WDR37: variants seen among roughly 807,000 people sequenced by gnomAD.
The protein encoded by WDR37 is WD repeat-containing protein 37.
In WDR37, 19 loss-of-function variants were observed where a neutral mutation model predicts 62.9. That is an observed-to-expected ratio of 0.30 (90% CI 0.21 to 0.44). The LOEUF (loss-of-function observed/expected upper bound fraction) is 0.44, where lower values mean the gene tolerates loss of function less well. WDR37 is among the 20% of genes least tolerant of loss of function. The pLI, the probability that WDR37 is intolerant of heterozygous loss-of-function variation, is 1.00. For synonymous variants in WDR37, 250 were observed against 260.9 expected (o/e 0.96, Z 0.40); for missense variants, 474 against 657.6 (o/e 0.72, Z 3.05).
intron 5 of WDR37, among the ~76,000 whole-genome samples, 195 bp downstream of exon 5, chr10:1,080,671 T>C (rs1644560835): frequency 1.3e-5 from 2 of 152,172 alleles, no homozygotes; most frequent in African/African-American, 2.4e-5. Flanking sequence ...TTTGGGAGGC[T>C]GAGGTGGATG....
chr10:1,106,120 G>T (rs1431218077), intron 11 of WDR37, among the ~76,000 whole-genome samples: 1 of 152,108 alleles, frequency 6.6e-6, no homozygotes, highest in Admixed American at 6.5e-5. Flanking sequence ...AGTTCTTTCC[G>T]TGACCGTCTC....
intron 1 of WDR37, among the ~76,000 whole-genome samples, chr10:1,063,051 A>T (rs1589072004): frequency 6.6e-6 from 1 of 150,746 alleles, no homozygotes. Context: ...GTGCCATTGC[A>T]CTCCAGCCTG....
At position 1,084,537 on chromosome 10, in the gene WDR37, C is replaced by T. The variant is rs145160560; in HGVS notation, c.531C>T (p.Ala177=). The T allele has an allele frequency of 2.3e-3, 3,774 of 1,613,714 alleles. 14 individuals carry two copies. Among genetic ancestry groups the T allele is most frequent in the Middle Eastern group, 7.6e-3 (46 of 6,060 alleles). ...TQPVVLGTAS[A]DHTALLWSIE... Reference sequence around the variant, plus strand: ...CAGTGGTGCTCGGGACTGCATCAGCCGGTGAGTCGCACACGGACCTGGCCA... The same window carrying T: ...CAGTGGTGCTCGGGACTGCATCAGCTGGTGAGTCGCACACGGACCTGGCCA... Residue 177 remains alanine (A), a splice_region_variant and synonymous_variant, in exon 6 of 14, where the codon GCC becomes GCT. Coordinates refer to ENST00000263150, the MANE Select transcript of WDR37 (RefSeq NM_014023.4).
At chr10:1,098,568 G>T (rs1485287024) in intron 9 of WDR37, among the ~76,000 whole-genome samples, 1 of 152,082 alleles carries the variant, frequency 6.6e-6, no homozygotes, top group Non-Finnish European at 1.5e-5. Flanking sequence ...CTCGTGATCC[G>T]CCCTCCTCGG....
At chr10:1,084,364 C>G (rs773425259) in intron 5 of WDR37, 39 bp from the exon 6 acceptor site, 1 of 1,591,236 alleles carries the variant, frequency 6.3e-7, no homozygotes, top group Admixed American at 1.8e-5. Flanking sequence ...AAATTTACTT[C>G]AGTAAATTGT....
intron 11 of WDR37, among the ~76,000 whole-genome samples, chr10:1,115,607 G>T (rs980150173): frequency 2.0e-5 from 3 of 152,216 alleles, no homozygotes; most frequent in Non-Finnish European, 2.9e-5. Flanking sequence ...TGAACTTTGT[G>T]CTTGGTCACA....
At chr10:1,119,326 T>C (rs1031687080) in intron 11 of WDR37, among the ~76,000 whole-genome samples, 16 of 152,226 alleles carry the variant, frequency 1.1e-4, no homozygotes, top group Non-Finnish European at 2.4e-4. Context: ...CTTTGTGTCA[T>C]AGCCAAGGTG....
intron 9 of WDR37, among the ~76,000 whole-genome samples, chr10:1,100,523 T>G (rs975379626): frequency 1.3e-5 from 2 of 152,252 alleles, no homozygotes; most frequent in Non-Finnish European, 2.9e-5. Flanking sequence ...TCTGTTAAAA[T>G]CTGTGTTCAT....
rs1232266494 is a variant in WDR37, at chr10:1,105,089, C to T, written c.962-37C>T. ...AAAGCGTCTCTCTCAGCGTGCTCCT[C>T]AGGTGATGACCTTGTGTTTTGCCAT... On this transcript the variant is annotated intron_variant, in intron 10 of 13. Transcript: ENST00000263150. The surrounding 1 kb of genome is among the most constrained non-coding windows in gnomAD (Gnocchi z 5.3). 4.3e-6 allele frequency: 7 copies of T among 1,609,528 alleles called. No individual in the cohort carries two copies. The South Asian group carries it at 7.7e-5, about 18-fold the overall frequency.
At chr10:1,088,428 C>T (rs761843296) in intron 7 of WDR37, among the ~76,000 whole-genome samples, 2 of 151,968 alleles carry the variant, frequency 1.3e-5, no homozygotes, top group Non-Finnish European at 2.9e-5. Context: ...ACTTAGAGGC[C>T]ATTGTAGGGT....
rs114016528 is a variant in WDR37 at position 1,113,540 on chromosome 10, T to A, written c.1103+8273T>A. 3.5e-3 allele frequency among the ~76,000 whole-genome samples: 535 copies of A among 152,336 alleles called. 4 individuals are homozygous for A. The highest frequency in any genetic ancestry group is 0.012 in the African/African-American group (518 of 41,574). ...CCTTGGCAACGTCAATTGAGCACCTTCTGGAAAGGATTTATCATTCTGGTC... is the reference window on the plus strand; with the variant it reads ...CCTTGGCAACGTCAATTGAGCACCTACTGGAAAGGATTTATCATTCTGGTC... On this transcript the variant is annotated intron_variant, in intron 11 of 13. Coordinates refer to ENST00000263150, the MANE Select transcript of WDR37 (RefSeq NM_014023.4).
chr10:1,130,783 G>A lies in WDR37; in HGVS notation c.*1439G>A, dbSNP rs1026809059. 1 of 152,180 alleles carries A rather than the reference G, an allele frequency of 6.6e-6. No homozygotes were observed. The highest frequency in any genetic ancestry group is 1.5e-5 in the Non-Finnish European group (1 of 68,058). 9.4% of individuals were successfully genotyped at this position (152,180 alleles called of 1,614,324 possible). A position where few individuals can be genotyped will look rare whatever the true frequency, so the allele number is the denominator to read the frequency against. On this transcript the variant is annotated 3_prime_UTR_variant, in exon 14 of 14. Transcript: ENST00000263150. ...GGACCGGTAGGTGCAGGTGCAGTAG[G>A]ACGTGGGACTTTTGGACCCGTCCTT...
At chr10:1,068,293 A>G (rs1833615901) in intron 1 of WDR37, among the ~76,000 whole-genome samples, 1 of 151,002 alleles carries the variant, frequency 6.6e-6, no homozygotes, top group African/African-American at 2.4e-5. Flanking sequence ...CATCCTGGTT[A>G]ACACTGTGAA....
In WDR37 at chr10:1,061,638, G is replaced by A. The variant is rs143759636; in HGVS notation, c.-41+4670G>A. The stretch of plus-strand genomic sequence containing the variant: ...GCAGACCACTTGAGGCCAGGAGTTC[G>A]AAACCACCTTGCCAACATGGTGAAA... On this transcript the variant is annotated intron_variant, in intron 1 of 13. Coordinates refer to ENST00000263150, the MANE Select transcript of WDR37 (RefSeq NM_014023.4). Among the ~76,000 whole-genome samples the A allele has an allele frequency of 3.4e-3, 516 of 152,216 alleles. 4 individuals are homozygous for A. The highest frequency in any genetic ancestry group is 0.011 in the African/African-American group (465 of 41,542).
At position 1,065,468 on chromosome 10, in the gene WDR37, A is replaced by G. The variant is rs186815862; in HGVS notation, c.-40-6648A>G. On this transcript the variant is annotated intron_variant, in intron 1 of 13. Coordinates refer to ENST00000263150, the MANE Select transcript of WDR37 (RefSeq NM_014023.4). ...AAATGTTTACCCCACGAGAAGGCAA[A>G]AAAGAGAATAGAGGGAGAGAGAATG... 1.1e-4 allele frequency among the ~76,000 whole-genome samples: 17 copies of G among 152,306 alleles called. No individual in the cohort carries two copies. In the East Asian group the frequency reaches 3.3e-3, roughly 29 times the overall value.
intron 1 of WDR37, among the ~76,000 whole-genome samples, chr10:1,060,105 C>G (rs1280513235): frequency 1.3e-5 from 2 of 152,184 alleles, no homozygotes; most frequent in Admixed American, 6.5e-5. Context: ...TCCCAAAAGG[C>G]TGGGATTACG....
At chr10:1,067,100 A>C (rs1382559116) in intron 1 of WDR37, among the ~76,000 whole-genome samples, 5 of 152,178 alleles carry the variant, frequency 3.3e-5, no homozygotes, top group African/African-American at 1.2e-4. Flanking sequence ...AAATATGTAG[A>C]TCGGTGGAAC....
intron 13 of WDR37, among the ~76,000 whole-genome samples, chr10:1,126,327 A>T (rs552997772): frequency 6.7e-6 from 1 of 148,254 alleles, no homozygotes; most frequent in Non-Finnish European, 1.5e-5. Flanking sequence ...AATGGCGTGA[A>T]CCCAGGAGGC....
chr10:1,089,665 TTCGGCCTTCCCGTGC>T (rs1219123269), intron 7 of WDR37, among the ~76,000 whole-genome samples: 2 of 30,074 alleles, frequency 6.7e-5, no homozygotes, highest in Non-Finnish European at 1.2e-4. Flanking sequence ...TCACCCGCAG[TTCGGCCTTCCCGTGC>T]TCACCCGCAG....
Sources: allele counts gnomAD v4.1 joint callset (sites outside exome capture counted in the v4.1 genomes callset), GRCh38; gene constraint gnomAD v4.1.1; non-coding constraint Gnocchi (gnomAD v3.1); transcripts MANE v1.5; gene names NCBI Gene and HGNC (gene_info 2026-07-23, HGNC 2026-07-21).